The following OTOGL variants were observed in gnomAD, a reference collection of about 807,000 sequenced individuals.
OTOGL encodes the protein otogelin like, also known as otogelin-like protein.
Under a neutral mutation model 318.5 loss-of-function variants are expected in OTOGL, and 285 were observed. The observed-to-expected ratio is 0.89, with a 90% CI of 0.81 to 0.99. The LOEUF is 0.99. OTOGL is among the 50% of genes least tolerant of loss of function. The probability of loss-of-function intolerance (pLI) is 0.00; values close to 1 mark genes in which losing one functional copy is unlikely to be tolerated. For synonymous variants in OTOGL, 987 were observed against 936.5 expected, an observed-to-expected ratio of 1.05 and a Z score of -0.99; for missense variants, 2,899 against 2,845.6, an observed-to-expected ratio of 1.02 and a Z score of -0.43.
In OTOGL at chr12:80,252,106, G is replaced by C; in HGVS notation, c.1190G>C (p.Arg397Pro). Residue 397 changes from arginine to proline, a missense_variant, in exon 13 of 59, where the codon CGG becomes CCG. Coordinates refer to ENST00000547103, the MANE Select transcript of OTOGL (RefSeq NM_001378609.3). The stretch of plus-strand genomic sequence containing the variant: ...AAATGTGATGATAGCTTTGTCCATC[G>C]GGACTGTATCAGTTGTTGTCCACCA... ...TDKCDDSFVH[R>P]DCISCCPPTC... 1 of 1,556,116 alleles carries C rather than the reference G, an allele frequency of 6.4e-7. No individual in the cohort carries two copies. The highest frequency in any genetic ancestry group is 8.7e-7 in the Non-Finnish European group (1 of 1,148,500).
chr12:80,253,397 T>C, intron 13 of OTOGL, 69 bp from the exon 14 acceptor site: 1 of 1,401,396 alleles, frequency 7.1e-7, no homozygotes, highest in South Asian at 1.2e-5. Flanking sequence ...TTGGTTGAAT[T>C]ATTATATTCC....
chr12:80,246,354 T>C (rs956319582), intron 11 of OTOGL, among the ~76,000 whole-genome samples: 1 of 144,180 alleles, frequency 6.9e-6, no homozygotes, highest in South Asian at 2.2e-4. Flanking sequence ...CCTAATTTAT[T>C]GAGAGTTTTT....
chr12:80,261,419 C>T (rs1175499380), intron 18 of OTOGL, among the ~76,000 whole-genome samples: 2 of 152,028 alleles, frequency 1.3e-5, no homozygotes, highest in African/African-American at 2.4e-5. Flanking sequence ...TTGGTTTGCC[C>T]ACTTCATAAT....
intron 8 of OTOGL, 105 bp downstream of exon 8, chr12:80,229,483 C>T (rs1879174998): frequency 8.8e-6 from 12 of 1,361,390 alleles, no homozygotes; most frequent in Admixed American, 6.3e-5. Context: ...GAGAGGATTT[C>T]TTCAACAATA....
intron 27 of OTOGL, among the ~76,000 whole-genome samples, chr12:80,298,269 A>G (rs1592674512): frequency 6.6e-6 from 1 of 152,172 alleles, no homozygotes; most frequent in East Asian, 1.9e-4. Flanking sequence ...ACTCCTGGGA[A>G]GAGCACCTAA....
At chr12:80,319,467 T>A (rs1887185646) in intron 33 of OTOGL, among the ~76,000 whole-genome samples, 1 of 152,192 alleles carries the variant, frequency 6.6e-6, no homozygotes, top group Non-Finnish European at 1.5e-5. Context: ...AAATTATATA[T>A]TTCCTGTAAA....
intron 1 of OTOGL, among the ~76,000 whole-genome samples, chr12:80,193,059 A>G (rs919445616): frequency 1.2e-4 from 18 of 152,144 alleles, no homozygotes; most frequent in Non-Finnish European, 2.6e-4. Flanking sequence ...GGAACATTGA[A>G]CATCTAGATT....
At chr12:80,184,207 C>A (rs1241547585) in intron 1 of OTOGL, among the ~76,000 whole-genome samples, 1 of 152,180 alleles carries the variant, frequency 6.6e-6, no homozygotes, top group Admixed American at 6.5e-5. Context: ...TTTCTCAATG[C>A]TCTGCTTCAG....
At chr12:80,217,752 A>T (rs1346268938) in intron 5 of OTOGL, 88 bp downstream of exon 5, 1 of 974,866 alleles carries the variant, frequency 1.0e-6, no homozygotes, top group Non-Finnish European at 1.5e-6. Flanking sequence ...TTGTTTCCGT[A>T]TACCACATGA....
chr12:80,373,389 G>A lies in OTOGL; in HGVS notation c.6781+1325G>A, dbSNP rs1038049553. On this transcript the variant is annotated intron_variant, in intron 57 of 58. Transcript: ENST00000547103. ...GGAGGTTACAGTGAGCCAAGATCAC[G>A]CCACTGCACTCCAGCCTGGTGACAG... Among the ~76,000 whole-genome samples, 7 of 151,970 alleles carry A rather than the reference G, an allele frequency of 4.6e-5. No individual in the cohort carries two copies. The East Asian group carries it at 5.8e-4, about 13-fold the overall frequency.
intron 44 of OTOGL, among the ~76,000 whole-genome samples, chr12:80,347,997 G>T (rs1452527944): frequency 6.6e-6 from 1 of 152,118 alleles, no homozygotes; most frequent in Non-Finnish European, 1.5e-5. Flanking sequence ...ATTTGTTGAA[G>T]TTCTTTGTAG....
chr12:80,107,157 AC>A lies in OTOGL; in HGVS notation c.-20+7553del, dbSNP rs1398653856. Reference sequence around the variant, plus strand: ...ATATTAGTTTCCTATTTCTGCTGTAACAAATTATCTCACACTTCATGAAATG... The same window carrying A: ...ATATTAGTTTCCTATTTCTGCTGTAAAAATTATCTCACACTTCATGAAATG... On this transcript the variant is annotated intron_variant, in intron 1 of 58. Transcript: ENST00000547103. Among the ~76,000 whole-genome samples, 7 of 152,132 alleles carry A rather than the reference AC, an allele frequency of 4.6e-5. No individual in the cohort carries two copies. The East Asian group carries it at 1.2e-3, about 25-fold the overall frequency.
Position 80,336,779 on chromosome 12 carries a change from T to C in OTOGL, c.4744-18T>C. 6.7e-7 allele frequency: 1 copy of C among 1,501,570 alleles called. No individual in the cohort carries two copies. The highest frequency in any genetic ancestry group is 9.0e-7 in the Non-Finnish European group (1 of 1,110,024). 93.0% of individuals were successfully genotyped at this position (1,501,570 alleles called of 1,614,324 possible). A position where few individuals can be genotyped will look rare whatever the true frequency, so the allele number is the denominator to read the frequency against. On this transcript the variant is annotated intron_variant, in intron 40 of 58. Coordinates refer to ENST00000547103, the MANE Select transcript of OTOGL (RefSeq NM_001378609.3). Reference sequence around the variant, plus strand: ...AGTCAAATAATGCATTTAAAAGTATTTCTTTTTTTTTTTCCAGAATGGAAA... The same window carrying C: ...AGTCAAATAATGCATTTAAAAGTATCTCTTTTTTTTTTTCCAGAATGGAAA...
chr12:80,361,927 G>A (rs1419972237), intron 52 of OTOGL, among the ~76,000 whole-genome samples: 2 of 152,032 alleles, frequency 1.3e-5, no homozygotes, highest in Non-Finnish European at 2.9e-5. Context: ...TCACTCTATA[G>A]GTTGTCTCTT....
At chr12:80,340,667 G>A (rs534909688) in intron 43 of OTOGL, among the ~76,000 whole-genome samples, 1 of 152,098 alleles carries the variant, frequency 6.6e-6, no homozygotes, top group Non-Finnish European at 1.5e-5. Context: ...AATGAGAGAA[G>A]TATACTTCAT....
intron 7 of OTOGL, among the ~76,000 whole-genome samples, chr12:80,224,260 A>G (rs112281961): frequency 0.022 from 3,377 of 151,520 alleles, 132 homozygotes; most frequent in African/African-American, 0.077. Flanking sequence ...TTATTTCTGG[A>G]TTCTCTGTTG....
intron 1 of OTOGL, among the ~76,000 whole-genome samples, chr12:80,153,168 T>G (rs564091842): frequency 1.2e-4 from 18 of 152,302 alleles, no homozygotes; most frequent in African/African-American, 4.3e-4. Context: ...GGAAATTTAT[T>G]TCTTATTCTG....
At chr12:80,350,108 A>G (rs190097467) in intron 44 of OTOGL, among the ~76,000 whole-genome samples, 3 of 152,330 alleles carry the variant, frequency 2.0e-5, no homozygotes, top group Admixed American at 6.5e-5. Flanking sequence ...GCTCAATTCT[A>G]TAAGATCAAC....
At chr12:80,148,186 T>A (rs1462848181) in intron 1 of OTOGL, among the ~76,000 whole-genome samples, 9 of 151,674 alleles carry the variant, frequency 5.9e-5, no homozygotes, top group Non-Finnish European at 1.2e-4. Context: ...TTGCAGCGGC[T>A]GGTACCGGTT....
Sources: gnomAD v4.1 joint callset for allele counts (sites outside exome capture counted in the v4.1 genomes callset) on GRCh38, gnomAD v4.1.1 for gene constraint, MANE v1.5 for transcripts, NCBI Gene and HGNC (gene_info 2026-07-23, HGNC 2026-07-21) for gene names.